The following VAV2 variants were observed in gnomAD, a reference collection of about 807,000 sequenced individuals.
VAV2 encodes the protein guanine nucleotide exchange factor VAV2.
A neutral mutation model predicts 132.5 loss-of-function variants in VAV2; 67 were observed. The ratio of observed to expected loss-of-function variants is 0.51; its 90% CI spans 0.42 to 0.62. The LOEUF (loss-of-function observed/expected upper bound fraction) is 0.62, where lower values mean the gene tolerates loss of function less well. VAV2 is among the 20% of genes least tolerant of loss of function. VAV2 has a pLI of 0.00. For missense variants in VAV2, 938 were observed against 1,153.6 expected, an observed-to-expected ratio of 0.81 and a Z score of 2.71; for synonymous variants, 492 against 443.5, an observed-to-expected ratio of 1.11 and a Z score of -1.37.
At chr9:133,771,567 A>G (rs1833626786) in intron 26 of VAV2, among the ~76,000 whole-genome samples, 1 of 152,128 alleles carries the variant, frequency 6.6e-6, no homozygotes. Context: ...GGTGAGTCGG[A>G]GAAGAAGCTG....
In VAV2 at chr9:133,788,296, C is replaced by T; in HGVS notation, c.1407+58G>A. 1 of 1,407,318 alleles carries T rather than the reference C, an allele frequency of 7.1e-7. No individual in the cohort carries two copies. Among genetic ancestry groups the T allele is most frequent in the Non-Finnish European group, 9.6e-7 (1 of 1,043,946 alleles). The allele number at this position is 1,407,318 out of a possible 1,614,324, so 87.2% of individuals were successfully genotyped here. A position where few individuals can be genotyped will look rare whatever the true frequency, so the allele number is the denominator to read the frequency against. On this transcript the variant is annotated intron_variant, in intron 15 of 29. Transcript: ENST00000371850. This position sits in a 1 kb window ranked among gnomAD's most constrained non-coding sequence, Gnocchi z 5.3. ...TTCCCCTGGGGTCTGGAACCCAGTGCCTCTCTCCAGGCCACCCCCACGTTC... is the reference window on the plus strand; with the variant it reads ...TTCCCCTGGGGTCTGGAACCCAGTGTCTCTCTCCAGGCCACCCCCACGTTC...
intron 1 of VAV2, among the ~76,000 whole-genome samples, chr9:133,989,096 T>C (rs1176836818): frequency 6.6e-6 from 1 of 152,032 alleles, no homozygotes; most frequent in African/African-American, 2.4e-5. Context: ...CCCAACACTT[T>C]GGGAGGCCGA....
Position 133,824,867 on chromosome 9 carries a change from A to G in VAV2, c.449+9405T>C, listed in dbSNP as rs190451553. ...TCAGAGCCCCGTCTCCTTCCTGTCC[A>G]GCGAGAGGGCTCAGGGCCCGGCCTG... On this transcript the variant is annotated intron_variant, in intron 4 of 29. Coordinates refer to ENST00000371850, the MANE Select transcript of VAV2 (RefSeq NM_001134398.2). This position sits in a 1 kb window ranked among gnomAD's most constrained non-coding sequence, Gnocchi z 5.2. Among the ~76,000 whole-genome samples, 59 of 152,046 alleles carry G rather than the reference A, an allele frequency of 3.9e-4. 1 individual carries two copies. The East Asian group carries it at 9.5e-3, about 24-fold the overall frequency.
chr9:133,846,004 A>G (rs1023881509), intron 3 of VAV2, among the ~76,000 whole-genome samples: 3 of 152,200 alleles, frequency 2.0e-5, no homozygotes, highest in African/African-American at 7.2e-5. Context: ...ACCCAGCTGA[A>G]AGGGCACAGT....
chr9:133,805,989 C>T (rs1316491507), intron 9 of VAV2, 92 bp downstream of exon 9: 6 of 1,377,540 alleles, frequency 4.4e-6, no homozygotes, highest in Non-Finnish European at 5.0e-6. Context: ...CGGGACACCC[C>T]AAGAGTCCCA....
At chr9:133,942,705 G>A (rs1181499560) in intron 1 of VAV2, among the ~76,000 whole-genome samples, 1 of 152,220 alleles carries the variant, frequency 6.6e-6, no homozygotes, top group Non-Finnish European at 1.5e-5. Flanking sequence ...GCACAGGATG[G>A]GCCCAGCGCA....
chr9:133,989,526 A>C (rs1365762427), intron 1 of VAV2, among the ~76,000 whole-genome samples: 1 of 133,650 alleles, frequency 7.5e-6, no homozygotes, highest in Non-Finnish European at 1.6e-5. Flanking sequence ...TCTCAAAAAA[A>C]AAAAAAAAAA....
At position 133,983,436 on chromosome 9, in the gene VAV2, A is replaced by T. The variant is rs527315166; in HGVS notation, c.204+8639T>A. Among the ~76,000 whole-genome samples the T allele has an allele frequency of 1.6e-3, 248 of 152,154 alleles. 1 individual carries two copies. Among genetic ancestry groups the T allele is most frequent in the African/African-American group, 5.7e-3 (238 of 41,508 alleles). Reference sequence around the variant, plus strand: ...GGCACAGGGGGTGGGGCGGATGCTCACCCACGCCAGGCCCCCACCAAGGTC... The same window carrying T: ...GGCACAGGGGGTGGGGCGGATGCTCTCCCACGCCAGGCCCCCACCAAGGTC... On this transcript the variant is annotated intron_variant, in intron 1 of 29. Transcript: ENST00000371850.
chr9:133,777,709 G>A (rs967098607), intron 22 of VAV2, among the ~76,000 whole-genome samples: 2 of 152,124 alleles, frequency 1.3e-5, no homozygotes, highest in Non-Finnish European at 2.9e-5. Flanking sequence ...GCCCCCCCAA[G>A]AAGCTGGCAG....
chr9:133,780,061 A>G (rs1011452961), intron 20 of VAV2, 122 bp from the exon 21 acceptor site: 3 of 1,368,424 alleles, frequency 2.2e-6, no homozygotes, highest in African/African-American at 1.4e-5. Context: ...TCAAGGCAGG[A>G]GCAGGGGAGG....
At chr9:133,985,659 G>A (rs2132305970) in intron 1 of VAV2, among the ~76,000 whole-genome samples, 1 of 152,270 alleles carries the variant, frequency 6.6e-6, no homozygotes, top group East Asian at 1.9e-4. Context: ...TTCTTAAGCT[G>A]GGACAATGGA....
intron 3 of VAV2, among the ~76,000 whole-genome samples, chr9:133,835,551 C>T (rs920407600): frequency 6.6e-6 from 1 of 152,190 alleles, no homozygotes; most frequent in Non-Finnish European, 1.5e-5. Flanking sequence ...CAAACAGCCC[C>T]CTGTAGCCCC....
chr9:133,836,066 G>T (rs1179577877), intron 3 of VAV2, among the ~76,000 whole-genome samples: 2 of 152,190 alleles, frequency 1.3e-5, no homozygotes, highest in Non-Finnish European at 2.9e-5. Context: ...CACCATCAGG[G>T]CTCCGTTGCT....
chr9:133,909,546 C>T (rs1389960412), intron 2 of VAV2, among the ~76,000 whole-genome samples: 1 of 152,140 alleles, frequency 6.6e-6, no homozygotes, highest in Non-Finnish European at 1.5e-5. Context: ...CAAATCTGTG[C>T]CCACTGCAGG....
At chr9:133,773,427 G>C (rs1171443188) in intron 25 of VAV2, among the ~76,000 whole-genome samples, 1 of 152,208 alleles carries the variant, frequency 6.6e-6, no homozygotes, top group African/African-American at 2.4e-5. Flanking sequence ...ACATTGCTGT[G>C]CACCACTGTA....
intron 4 of VAV2, among the ~76,000 whole-genome samples, chr9:133,831,586 G>A (rs185508243): frequency 3.3e-4 from 51 of 152,322 alleles, no homozygotes; most frequent in African/African-American, 1.2e-3. Context: ...GAAGTGTCCT[G>A]GGCTGAACAC....
In VAV2 at chr9:133,788,372, G is replaced by A; in HGVS notation, c.1389C>T (p.Asn463=). The A allele has an allele frequency of 6.2e-7, 1 of 1,610,024 alleles. No homozygotes were observed. The highest frequency in any genetic ancestry group is 8.5e-7 in the Non-Finnish European group (1 of 1,176,594). ...LFHKMTDDPM[N]NKDVKKSHGK... is the part of the protein sequence containing the mutation. ...GCCCCACCTTCTTGACGTCCTTGTT[G>A]TTCATGGGGTCGTCGGTCATCTTGT... The change falls in exon 15 of 30, where the codon AAC becomes AAT. Residue 463 remains asparagine (N), a synonymous_variant. Coordinates refer to ENST00000371850, the MANE Select transcript of VAV2 (RefSeq NM_001134398.2). This position sits in a 1 kb window ranked among gnomAD's most constrained non-coding sequence, Gnocchi z 5.3.
intron 1 of VAV2, among the ~76,000 whole-genome samples, chr9:133,981,857 C>T (rs1463111515): frequency 3.3e-5 from 5 of 152,224 alleles, no homozygotes; most frequent in African/African-American, 1.2e-4. Flanking sequence ...GAGAGCAAAG[C>T]CCCCTCTAGA....
intron 1 of VAV2, among the ~76,000 whole-genome samples, chr9:133,972,091 GCCACACACAC>G (rs1842354655): frequency 6.6e-6 from 1 of 152,008 alleles, no homozygotes; most frequent in Non-Finnish European, 1.5e-5. Flanking sequence ...TTCATCCATA[GCCACACACAC>G]CCACACACAC....
Sources: gnomAD v4.1 joint callset for allele counts (sites outside exome capture counted in the v4.1 genomes callset) on GRCh38, gnomAD v4.1.1 for gene constraint, Gnocchi (gnomAD v3.1) non-coding constraint, MANE v1.5 for transcripts, NCBI Gene and HGNC (gene_info 2026-07-23, HGNC 2026-07-21) for gene names.